RBM15B: variants seen among roughly 807,000 people sequenced by gnomAD.
RBM15B encodes the protein RNA binding motif protein 15B, also known as putative RNA-binding protein 15B.
A neutral mutation model predicts 53.3 loss-of-function variants in RBM15B; 11 were observed. That is an observed-to-expected ratio of 0.21 (90% CI 0.13 to 0.34). The LOEUF (loss-of-function observed/expected upper bound fraction) is 0.34. Among genes scored for constraint, RBM15B ranks in the 10% least tolerant of loss-of-function variants. The pLI is 1.00. For synonymous variants in RBM15B, 631 were observed against 540.7 expected (o/e 1.17, Z -2.32); for missense variants, 1,136 against 1,250.3 (o/e 0.91, Z 1.38).
Position 51,391,736 on chromosome 3 carries a change from T to G in RBM15B, c.337T>G (p.Ser113Ala), listed in dbSNP as rs2089040272. The G allele has an allele frequency of 6.6e-7, 1 of 1,505,384 alleles. No individual in the cohort carries two copies. Among genetic ancestry groups the G allele is most frequent in the African/African-American group, 1.5e-5 (1 of 68,114 alleles). The allele number at this position is 1,505,384 out of a possible 1,614,324, so 93.3% of individuals were successfully genotyped here. Residue 113 changes from serine to alanine, a missense_variant, in exon 1 of 1, where the codon TCT becomes GCT. Coordinates refer to ENST00000563281, the MANE Select transcript of RBM15B (RefSeq NM_013286.5). The surrounding 1 kb of genome is among the most constrained non-coding windows in gnomAD (Gnocchi z 4.5). Reference protein sequence around the residue: ...PGASGMSPRASPLPPPPPPPG... With the variant: ...PGASGMSPRAAPLPPPPPPPG... ...CGCCTCCGGCATGTCGCCCCGCGCGTCTCCTCTGCCGCCGCCTCCGCCACC... is the reference window on the plus strand; with the variant it reads ...CGCCTCCGGCATGTCGCCCCGCGCGGCTCCTCTGCCGCCGCCTCCGCCACC...
In RBM15B at chr3:51,393,347, A is replaced by G. The variant is rs140070938; in HGVS notation, c.1948A>G (p.Ser650Gly). 6.2e-7 allele frequency: 1 copy of G among 1,612,622 alleles called. No individual in the cohort carries two copies. Among genetic ancestry groups the G allele is most frequent in the South Asian group, 1.1e-5 (1 of 91,036 alleles). ...HSSEGTKESS[S>G]NSLSNSRHGA... ...CAGTGAAGGGACCAAGGAGTCCAGC[A>G]GCAACTCCCTCAGCAACAGCAGACA... The change falls in exon 1 of 1, where the codon AGC becomes GGC. Residue 650 changes from serine (S) to glycine (G), a missense_variant. Ser to Gly is a moderately conservative substitution (Grantham distance 56). Around this residue, in one of 7 missense-constraint regions of RBM15B, gnomAD observed 578 missense variants for 581.6 expected, o/e 0.99. Transcript: ENST00000563281. The surrounding 1 kb of genome is among the most constrained non-coding windows in gnomAD (Gnocchi z 5.6).
At position 51,391,999 on chromosome 3, in the gene RBM15B, C is replaced by T. The variant is rs1553621629; in HGVS notation, c.600C>T (p.Ala200=). Residue 200 remains alanine (A), a synonymous_variant, in exon 1 of 1, where the codon GCC becomes GCT. Transcript: ENST00000563281. This position sits in a 1 kb window ranked among gnomAD's most constrained non-coding sequence, Gnocchi z 4.5. ...PQDAREARQH[A]LARQLLLYDR... ...ACGCACGCGAGGCCCGCCAGCACGCCCTGGCCCGGCAGCTGCTGCTCTACG... is the reference window on the plus strand; with the variant it reads ...ACGCACGCGAGGCCCGCCAGCACGCTCTGGCCCGGCAGCTGCTGCTCTACG... 6.3e-7 allele frequency: 1 copy of T among 1,598,800 alleles called. No homozygotes were observed. Among genetic ancestry groups the T allele is most frequent in the East Asian group, 2.2e-5 (1 of 44,538 alleles).
Position 51,393,286 on chromosome 3 carries a change from C to T in RBM15B, c.1887C>T (p.Asp629=), listed in dbSNP as rs782303059. The change falls in exon 1 of 1, where the codon GAC becomes GAT. Residue 629 remains aspartate (D), a synonymous_variant. Transcript: ENST00000563281. This position sits in a 1 kb window ranked among gnomAD's most constrained non-coding sequence, Gnocchi z 5.6. ...GSGQQSERGS[D]RTPERSRKEN... ...GGCAGCAGTCAGAGCGGGGCTCCGACCGCACCCCTGAGCGCAGCCGCAAGG... is the reference window on the plus strand; with the variant it reads ...GGCAGCAGTCAGAGCGGGGCTCCGATCGCACCCCTGAGCGCAGCCGCAAGG... 5 of 1,611,250 alleles carry T rather than the reference C, an allele frequency of 3.1e-6. 1 individual carries two copies. The Middle Eastern group carries it at 5.0e-4, about 160-fold the overall frequency.
In RBM15B at chr3:51,392,150, G is replaced by A. The variant is rs1386957624; in HGVS notation, c.751G>A (p.Gly251Ser). The stretch of plus-strand genomic sequence containing the variant: ...GCCGCCCGCGCCCGCCGACCCGCTC[G>A]GCTACCTCCCGCTACACGGAGGCTA... ...PGPPAPADPL[G>S]YLPLHGGYQY... Residue 251 changes from glycine (G) to serine (S), a missense_variant, in exon 1 of 1, where the codon GGC becomes AGC. Around this residue, in one of 7 missense-constraint regions of RBM15B, gnomAD observed 204 missense variants for 196.8 expected, o/e 1.04. Transcript: ENST00000563281. This position sits in a 1 kb window ranked among gnomAD's most constrained non-coding sequence, Gnocchi z 7.5. The A allele has an allele frequency of 6.5e-7, 1 of 1,535,894 alleles. No individual in the cohort carries two copies. The highest frequency in any genetic ancestry group is 2.0e-5 in the Admixed American group (1 of 50,886).
chr3:51,392,718 G>A lies in RBM15B; in HGVS notation c.1319G>A (p.Arg440His). 1 of 1,614,156 alleles carries A rather than the reference G, an allele frequency of 6.2e-7. No individual in the cohort carries two copies. The highest frequency in any genetic ancestry group is 8.5e-7 in the Non-Finnish European group (1 of 1,180,048). ...GCGGCTCTGGCCCGAGAGTTTGACC[G>A]CTTTGGGAGCATTCGGACCATTGAT... ...SLAALAREFD[R>H]FGSIRTIDHV... The change falls in exon 1 of 1, where the codon CGC becomes CAC. Residue 440 changes from arginine (R) to histidine (H), a missense_variant. By Grantham distance (29) the Arg-to-His change is conservative (BLOSUM62 0). Coordinates refer to ENST00000563281, the MANE Select transcript of RBM15B (RefSeq NM_013286.5). This position sits in a 1 kb window ranked among gnomAD's most constrained non-coding sequence, Gnocchi z 7.5.
rs1553621907 is a variant in RBM15B, at chr3:51,393,162, A to G, written c.1763A>G (p.Lys588Arg). The G allele has an allele frequency of 1.2e-6, 2 of 1,613,884 alleles. No individual in the cohort carries two copies. The highest frequency in any genetic ancestry group is 1.3e-5 in the African/African-American group (1 of 74,940). Residue 588 changes from lysine (K) to arginine (R), a missense_variant, in exon 1 of 1, where the codon AAG (lysine) becomes AGG (arginine). By Grantham distance (26) the Lys-to-Arg change is conservative. This residue lies in a region of RBM15B where 578 missense variants were observed against 581.6 expected (regional missense o/e 0.99). Coordinates refer to ENST00000563281, the MANE Select transcript of RBM15B (RefSeq NM_013286.5). The surrounding 1 kb of genome is among the most constrained non-coding windows in gnomAD (Gnocchi z 5.6). ...WGADGDRGLP[K>R]PWEERRKRRS... is the part of the protein sequence containing the mutation. ...GCAGATGGAGACCGTGGTTTGCCCA[A>G]GCCCTGGGAAGAGAGGCGGAAACGG...
Position 51,396,006 on chromosome 3 carries a change from CAGGAGTG to C in RBM15B, c.*1935_*1941del. ...CCAGGGTAGCTGGTACCGCCAGAAACAGGAGTGGGTCTTGTCCTGTTGCAGGCACACT... is the reference window on the plus strand; with the variant it reads ...CCAGGGTAGCTGGTACCGCCAGAAACGGTCTTGTCCTGTTGCAGGCACACT... On this transcript the variant is annotated 3_prime_UTR_variant, in exon 1 of 1. Coordinates refer to ENST00000563281, the MANE Select transcript of RBM15B (RefSeq NM_013286.5). 4.8e-6 allele frequency: 2 copies of C among 413,054 alleles called. No homozygotes were observed. The highest frequency in any genetic ancestry group is 8.8e-6 in the Non-Finnish European group (2 of 226,026). The allele number at this position is 413,054 out of a possible 1,614,324, so 25.6% of individuals were successfully genotyped here.
chr3:51,391,567 A>G lies in RBM15B; in HGVS notation c.168A>G (p.Lys56=). ...KHPVPARARD[K]PRGSGSGGGG... ...CGGTTCCAGCGCGGGCCCGCGACAA[A>G]CCCCGCGGCAGCGGAAGCGGCGGGG... Residue 56 remains lysine (K), a synonymous_variant, in exon 1 of 1, where the codon AAA becomes AAG. Coordinates refer to ENST00000563281, the MANE Select transcript of RBM15B (RefSeq NM_013286.5). The surrounding 1 kb of genome is among the most constrained non-coding windows in gnomAD (Gnocchi z 4.5). 1 of 1,155,456 alleles carries G rather than the reference A, an allele frequency of 8.7e-7. No homozygotes were observed. Among genetic ancestry groups the G allele is most frequent in the Non-Finnish European group, 1.1e-6 (1 of 941,338 alleles). 71.6% of individuals were successfully genotyped at this position (1,155,456 alleles called of 1,614,324 possible). A position where few individuals can be genotyped will look rare whatever the true frequency, so the allele number is the denominator to read the frequency against.
chr3:51,395,678 T>TA lies in RBM15B; in HGVS notation c.*1607dup, dbSNP rs797024256. On this transcript the variant is annotated 3_prime_UTR_variant, in exon 1 of 1. Transcript: ENST00000563281. ...CATCCTCTCTCCAGGTCTGCTCCCT[T>TA]ACCGGAGCTAGGATAAGGTAGCATG... 3 of 411,748 alleles carry TA rather than the reference T, an allele frequency of 7.3e-6. No individual in the cohort carries two copies. Among genetic ancestry groups the TA allele is most frequent in the African/African-American group, 6.2e-5 (3 of 48,698 alleles). The allele number at this position is 411,748 out of a possible 1,614,324, so 25.5% of individuals were successfully genotyped here. A position where few individuals can be genotyped will look rare whatever the true frequency, so the allele number is the denominator to read the frequency against.
rs375554728 is a variant in RBM15B at position 51,392,969 on chromosome 3, G to T, written c.1570G>T (p.Asp524Tyr). ...TDGYTRHRNL[D>Y]ADLVRDRTPP... ...TGGATACACCCGGCACCGCAACCTGGACGCCGACCTGGTGCGGGACAGGAC... is the reference window on the plus strand; with the variant it reads ...TGGATACACCCGGCACCGCAACCTGTACGCCGACCTGGTGCGGGACAGGAC... The change falls in exon 1 of 1, where the codon GAC (aspartate) becomes TAC (tyrosine). Residue 524 changes from aspartate (D) to tyrosine (Y), a missense_variant. Physicochemically the swap from Asp to Tyr is radical, Grantham distance 160. This residue lies in a region of RBM15B where 578 missense variants were observed against 581.6 expected (regional missense o/e 0.99). Coordinates refer to ENST00000563281, the MANE Select transcript of RBM15B (RefSeq NM_013286.5). This position sits in a 1 kb window ranked among gnomAD's most constrained non-coding sequence, Gnocchi z 7.5. 6.2e-7 allele frequency: 1 copy of T among 1,613,814 alleles called. No individual in the cohort carries two copies. Among genetic ancestry groups the T allele is most frequent in the East Asian group, 2.2e-5 (1 of 44,882 alleles).
At position 51,394,125 on chromosome 3, in the gene RBM15B, A is replaced by T. The variant is rs1219625528; in HGVS notation, c.*53A>T. ...TTTGTGTCACAAAAGCAGTTATTTT[A>T]AAATCTGATCCCCTCTCTACCCTAC... On this transcript the variant is annotated 3_prime_UTR_variant, in exon 1 of 1. Coordinates refer to ENST00000563281, the MANE Select transcript of RBM15B (RefSeq NM_013286.5). 7.3e-7 allele frequency: 1 copy of T among 1,377,774 alleles called. No homozygotes were observed. The highest frequency in any genetic ancestry group is 9.4e-7 in the Non-Finnish European group (1 of 1,059,904). 85.3% of individuals were successfully genotyped at this position (1,377,774 alleles called of 1,614,324 possible). A position where few individuals can be genotyped will look rare whatever the true frequency, so the allele number is the denominator to read the frequency against.
At position 51,397,443 on chromosome 3, in the gene RBM15B, C is replaced by T. The variant is rs1209846258; in HGVS notation, c.*3371C>T. On this transcript the variant is annotated 3_prime_UTR_variant, in exon 1 of 1. Coordinates refer to ENST00000563281, the MANE Select transcript of RBM15B (RefSeq NM_013286.5). ...TTTCAGAAAACATTAGTGGCCGCTG[C>T]CCCAGCTACAGAGACGGCCGAAATG... The T allele has an allele frequency of 1.2e-5, 2 of 167,096 alleles. No homozygotes were observed. The highest frequency in any genetic ancestry group is 2.4e-5 in the African/African-American group (1 of 41,448). The allele number at this position is 167,096 out of a possible 1,614,324, so 10.4% of individuals were successfully genotyped here. A position where few individuals can be genotyped will look rare whatever the true frequency, so the allele number is the denominator to read the frequency against.
Position 51,393,116 on chromosome 3 carries a change from C to G in RBM15B, c.1717C>G (p.Arg573Gly). Reference sequence around the variant, plus strand: ...GGGCTACAGTCGCTCAGTGCGCAGCCGGAGTGGTGAGCGTTGGGGGGCAGA... The same window carrying G: ...GGGCTACAGTCGCTCAGTGCGCAGCGGGAGTGGTGAGCGTTGGGGGGCAGA... ...LEGYSRSVRS[R>G]SGERWGADGD... is the part of the protein sequence containing the mutation. The change falls in exon 1 of 1, where the codon CGG (arginine) becomes GGG (glycine). Residue 573 changes from arginine (R) to glycine (G), a missense_variant. Coordinates refer to ENST00000563281, the MANE Select transcript of RBM15B (RefSeq NM_013286.5). The surrounding 1 kb of genome is among the most constrained non-coding windows in gnomAD (Gnocchi z 5.6). 6.2e-7 allele frequency: 1 copy of G among 1,614,064 alleles called. No individual in the cohort carries two copies. Among genetic ancestry groups the G allele is most frequent in the Non-Finnish European group, 8.5e-7 (1 of 1,180,020 alleles).
rs1482396453 is a variant in RBM15B at position 51,394,766 on chromosome 3, A to ACTC, written c.*695_*697dup. On this transcript the variant is annotated 3_prime_UTR_variant, in exon 1 of 1. Coordinates refer to ENST00000563281, the MANE Select transcript of RBM15B (RefSeq NM_013286.5). Reference sequence around the variant, plus strand: ...GCTGTTTGTTTGGGACAGAGTGCCCACTCAGCATGTTTGGCAGCAGGTAGC... The same window carrying ACTC: ...GCTGTTTGTTTGGGACAGAGTGCCCACTCCTCAGCATGTTTGGCAGCAGGTAGC... 1 of 166,948 alleles carries ACTC rather than the reference A, an allele frequency of 6.0e-6. No individual in the cohort carries two copies. Among genetic ancestry groups the ACTC allele is most frequent in the African/African-American group, 2.4e-5 (1 of 41,290 alleles). 10.3% of individuals were successfully genotyped at this position (166,948 alleles called of 1,614,324 possible). A position where few individuals can be genotyped will look rare whatever the true frequency, so the allele number is the denominator to read the frequency against.
chr3:51,393,304 C>T lies in RBM15B; in HGVS notation c.1905C>T (p.Ser635=), dbSNP rs1553621938. ...ERGSDRTPER[S]RKENHSSEGT... Reference sequence around the variant, plus strand: ...GCTCCGACCGCACCCCTGAGCGCAGCCGCAAGGAGAACCACTCCAGTGAAG... The same window carrying T: ...GCTCCGACCGCACCCCTGAGCGCAGTCGCAAGGAGAACCACTCCAGTGAAG... Residue 635 remains serine, a synonymous_variant, in exon 1 of 1, where the codon AGC becomes AGT. Transcript: ENST00000563281. This position sits in a 1 kb window ranked among gnomAD's most constrained non-coding sequence, Gnocchi z 5.6. 8.1e-6 allele frequency: 13 copies of T among 1,610,060 alleles called. No homozygotes were observed. The highest frequency in any genetic ancestry group is 1.1e-5 in the Non-Finnish European group (13 of 1,178,262).
In RBM15B at chr3:51,391,740, C is replaced by G. The variant is rs1419495682; in HGVS notation, c.341C>G (p.Pro114Arg). The G allele has an allele frequency of 1.3e-6, 2 of 1,534,576 alleles. No homozygotes were observed. The highest frequency in any genetic ancestry group is 1.7e-6 in the Non-Finnish European group (2 of 1,151,906). ...TCCGGCATGTCGCCCCGCGCGTCTC[C>G]TCTGCCGCCGCCTCCGCCACCGCCT... Reference protein sequence around the residue: ...GASGMSPRASPLPPPPPPPGA... With the variant: ...GASGMSPRASRLPPPPPPPGA... Residue 114 changes from proline (P) to arginine (R), a missense_variant, in exon 1 of 1, where the codon CCT (proline) becomes CGT (arginine). Transcript: ENST00000563281. The surrounding 1 kb of genome is among the most constrained non-coding windows in gnomAD (Gnocchi z 4.5).
chr3:51,392,639 G>A lies in RBM15B; in HGVS notation c.1240G>A (p.Ala414Thr), dbSNP rs1354094620. 1 of 1,613,998 alleles carries A rather than the reference G, an allele frequency of 6.2e-7. No homozygotes were observed. The highest frequency in any genetic ancestry group is 2.2e-5 in the East Asian group (1 of 44,880). ...RNPIKIGYGK[A>T]NPTTRLWVGG... is the part of the protein sequence containing the mutation. ...CCCCATTAAGATAGGCTATGGCAAG[G>A]CCAACCCCACCACTCGTCTCTGGGT... is the stretch of plus-strand genomic sequence containing the variant. The change falls in exon 1 of 1, where the codon GCC becomes ACC. Residue 414 changes from alanine (A) to threonine (T), a missense_variant. Physicochemically the swap from Ala to Thr is moderately conservative, Grantham distance 58. This residue lies in a region of RBM15B where 45 missense variants were observed against 80.7 expected (regional missense o/e 0.56). Transcript: ENST00000563281. This position sits in a 1 kb window ranked among gnomAD's most constrained non-coding sequence, Gnocchi z 7.5.
chr3:51,395,817 A>G lies in RBM15B; in HGVS notation c.*1745A>G, dbSNP rs1435512101. 2.4e-6 allele frequency: 1 copy of G among 413,450 alleles called. No individual in the cohort carries two copies. The highest frequency in any genetic ancestry group is 3.6e-5 in the East Asian group (1 of 28,100). 25.6% of individuals were successfully genotyped at this position (413,450 alleles called of 1,614,324 possible). On this transcript the variant is annotated 3_prime_UTR_variant, in exon 1 of 1. Transcript: ENST00000563281. Reference sequence around the variant, plus strand: ...GACCCCTCGGTGATGTGGAATGGACAGGTGCCTCGCAAGAGAGCAAGCACG... The same window carrying G: ...GACCCCTCGGTGATGTGGAATGGACGGGTGCCTCGCAAGAGAGCAAGCACG...
rs781885794 is a variant in RBM15B, at chr3:51,393,340, G to A, written c.1941G>A (p.Glu647=). ...KENHSSEGTK[E]SSSNSLSNSR... is the part of the protein sequence containing the mutation. ...ACCACTCCAGTGAAGGGACCAAGGA[G>A]TCCAGCAGCAACTCCCTCAGCAACA... The change falls in exon 1 of 1, where the codon GAG becomes GAA. Residue 647 remains glutamate, a synonymous_variant. Coordinates refer to ENST00000563281, the MANE Select transcript of RBM15B (RefSeq NM_013286.5). The surrounding 1 kb of genome is among the most constrained non-coding windows in gnomAD (Gnocchi z 5.6). 3 of 1,611,982 alleles carry A rather than the reference G, an allele frequency of 1.9e-6. No homozygotes were observed. Among genetic ancestry groups the A allele is most frequent in the South Asian group, 2.2e-5 (2 of 90,990 alleles).
Sources: gnomAD v4.1 joint callset for allele counts on GRCh38, gnomAD v4.1.1 for gene constraint, gnomAD v4.1.1 regional missense constraint, Gnocchi (gnomAD v3.1) non-coding constraint, MANE v1.5 for transcripts, NCBI Gene and HGNC (gene_info 2026-07-23, HGNC 2026-07-21) for gene names.